The following SLC8A1 variants were observed in gnomAD, a reference collection of about 807,000 sequenced individuals.
SLC8A1 encodes sodium/calcium exchanger 1.
In SLC8A1, 18 loss-of-function variants were observed where a neutral mutation model predicts 68.3. The ratio of observed to expected loss-of-function variants is 0.26; its 90% confidence interval spans 0.18 to 0.39. SLC8A1 has a LOEUF of 0.39. Among genes scored for constraint, SLC8A1 ranks in the 10% least tolerant of loss-of-function variants. The probability of loss-of-function intolerance (pLI) is 1.00; values close to 1 mark genes in which losing one functional copy is unlikely to be tolerated. For missense variants in SLC8A1, 985 were observed against 1,156.7 expected (o/e 0.85, Z 2.15); for synonymous variants, 475 against 415.5 (o/e 1.14, Z -1.74).
intron 7 of SLC8A1, among the ~76,000 whole-genome samples, chr2:40,137,475 A>G (rs1239844968): frequency 6.6e-6 from 1 of 152,182 alleles, no homozygotes; most frequent in Non-Finnish European, 1.5e-5. Flanking sequence ...AGCGTGTGCT[A>G]ACTTGGACAC....
At chr2:40,239,110 G>T (rs2060854138) in intron 2 of SLC8A1, among the ~76,000 whole-genome samples, 1 of 151,590 alleles carries the variant, frequency 6.6e-6, no homozygotes, top group South Asian at 2.1e-4. Flanking sequence ...TTGCCAACTA[G>T]AATCTGACTA....
At chr2:40,464,337 T>A (rs749727565) in intron 1 of SLC8A1, among the ~76,000 whole-genome samples, 33 of 152,232 alleles carry the variant, frequency 2.2e-4, no homozygotes, top group African/African-American at 7.7e-4. Context: ...ACGCATTTCA[T>A]AACTTTAAAA....
At chr2:40,374,827 T>A (rs570980545) in intron 2 of SLC8A1, among the ~76,000 whole-genome samples, 2 of 152,150 alleles carry the variant, frequency 1.3e-5, no homozygotes, top group South Asian at 2.1e-4. Context: ...TGACCAAAGA[T>A]GACATATGTT....
At chr2:40,135,456 C>G (rs2040320797) in intron 7 of SLC8A1, among the ~76,000 whole-genome samples, 1 of 152,058 alleles carries the variant, frequency 6.6e-6, no homozygotes. Context: ...TCCTATAATT[C>G]CAGCACTTTG....
intron 2 of SLC8A1, among the ~76,000 whole-genome samples, chr2:40,223,393 CAGT>C (rs1280814284): frequency 6.6e-6 from 1 of 151,568 alleles, no homozygotes; most frequent in Non-Finnish European, 1.5e-5. Context: ...GGAGGGATAG[CAGT>C]AGGAGGCATA....
intron 1 of SLC8A1, among the ~76,000 whole-genome samples, chr2:40,492,119 C>G (rs1705354590): frequency 6.6e-6 from 1 of 152,178 alleles, no homozygotes; most frequent in Middle Eastern, 3.4e-3. Context: ...GTAACCAAAA[C>G]AGCATGGTAC....
chr2:40,353,053 C>G (rs1352676951), intron 2 of SLC8A1, among the ~76,000 whole-genome samples: 1 of 152,282 alleles, frequency 6.6e-6, no homozygotes, highest in East Asian at 1.9e-4. Flanking sequence ...CTCTCACAGC[C>G]TTGCTTTTGT....
At chr2:40,418,800 C>T (rs946164619) in intron 2 of SLC8A1, among the ~76,000 whole-genome samples, 1 of 152,158 alleles carries the variant, frequency 6.6e-6, no homozygotes, top group African/African-American at 2.4e-5. Flanking sequence ...AGAGGGCAGC[C>T]AAACTGTGAC....
intron 7 of SLC8A1, among the ~76,000 whole-genome samples, chr2:40,124,026 C>T (rs1187351005): frequency 1.3e-5 from 2 of 152,170 alleles, no homozygotes; most frequent in Non-Finnish European, 2.9e-5. Context: ...ATTTCTGGAA[C>T]ATCCATCTCC....
intron 2 of SLC8A1, among the ~76,000 whole-genome samples, chr2:40,182,114 GCTGTT>G (rs72173714): frequency 0.019 from 2,907 of 152,260 alleles, 52 homozygotes; most frequent in African/African-American, 0.045. Flanking sequence ...ATCCATTTTG[GCTGTT>G]CTGTTCTGTT....
At chr2:40,398,592 T>C (rs535225955) in intron 2 of SLC8A1, among the ~76,000 whole-genome samples, 20 of 152,320 alleles carry the variant, frequency 1.3e-4, no homozygotes, top group African/African-American at 3.8e-4. Flanking sequence ...TTTATTTTTA[T>C]AAAAATGCAA....
At chr2:40,175,338 A>G in intron 3 of SLC8A1, 57 bp from the exon 4 acceptor site, 1 of 1,553,952 alleles carries the variant, frequency 6.4e-7, no homozygotes, top group Non-Finnish European at 8.9e-7. Context: ...GAATAATGAA[A>G]GTAAGAGGAA....
chr2:40,322,116 T>C (rs1442927110), intron 2 of SLC8A1, among the ~76,000 whole-genome samples: 1 of 152,118 alleles, frequency 6.6e-6, no homozygotes, highest in Non-Finnish European at 1.5e-5. Flanking sequence ...CATATTATAC[T>C]GCACTGGATG....
chr2:40,482,808 T>TTTTTTA (rs1704719164), intron 1 of SLC8A1, among the ~76,000 whole-genome samples: 1 of 145,608 alleles, frequency 6.9e-6, no homozygotes, highest in African/African-American at 2.6e-5. Context: ...TTTTTTTTTT[T>TTTTTTA]GAGACGGAAT....
At chr2:40,190,852 C>G (rs905327118) in intron 2 of SLC8A1, 1 of 152,150 alleles carries the variant, frequency 6.6e-6, no homozygotes, top group South Asian at 2.1e-4. Context: ...TTGCCTGTCT[C>G]TCCACTTTTT....
chr2:40,408,485 T>C (rs1274396189), intron 2 of SLC8A1, among the ~76,000 whole-genome samples: 1 of 152,216 alleles, frequency 6.6e-6, no homozygotes, highest in Admixed American at 6.5e-5. Flanking sequence ...ACAGGAAATT[T>C]TGGCACTTTG....
chr2:40,342,039 T>A (rs79295027), intron 2 of SLC8A1, among the ~76,000 whole-genome samples: 1 of 152,096 alleles, frequency 6.6e-6, no homozygotes. Flanking sequence ...GGTTATTTAG[T>A]TACTTAGAGA....
chr2:40,412,248 T>A (rs944790267), intron 2 of SLC8A1, among the ~76,000 whole-genome samples: 5 of 152,146 alleles, frequency 3.3e-5, no homozygotes, highest in Admixed American at 1.3e-4. Flanking sequence ...TAAAATGTTA[T>A]AACCTTTTTG....
chr2:40,368,208 T>C (rs1246211787), intron 2 of SLC8A1, among the ~76,000 whole-genome samples: 1 of 152,072 alleles, frequency 6.6e-6, no homozygotes, highest in Non-Finnish European at 1.5e-5. Flanking sequence ...GAACCAGTTA[T>C]CAAAACTTTT....
Sources: allele counts gnomAD v4.1 joint callset (sites outside exome capture counted in the v4.1 genomes callset), GRCh38; gene constraint gnomAD v4.1.1; transcripts MANE v1.5; gene names NCBI Gene and HGNC (gene_info 2026-07-23, HGNC 2026-07-21).